The following SMAP1 variants were observed in gnomAD, a reference collection of about 807,000 sequenced individuals.
SMAP1 encodes stromal membrane-associated protein 1.
Under a neutral mutation model 58.5 loss-of-function variants are expected in SMAP1, and 24 were observed. The observed-to-expected ratio is 0.41, with a 90% CI of 0.30 to 0.58. The LOEUF is 0.58. Among genes scored for constraint, SMAP1 ranks in the 20% least tolerant of loss-of-function variants. The pLI, the probability that SMAP1 is intolerant of heterozygous loss-of-function variation, is 0.29. For missense variants in SMAP1, 563 were observed against 566.3 expected, an observed-to-expected ratio of 0.99 and a Z score of 0.06; for synonymous variants, 216 against 196.6, an observed-to-expected ratio of 1.10 and a Z score of -0.82.
At chr6:70,835,275 A>C (rs13219912) in intron 6 of SMAP1, among the ~76,000 whole-genome samples, 1 of 148,482 alleles carries the variant, frequency 6.7e-6, no homozygotes, top group Non-Finnish European at 1.5e-5. Flanking sequence ...AAAAAAAAAG[A>C]ATTGACACCT....
chr6:70,734,124 G>GC (rs1302474614), intron 2 of SMAP1, among the ~76,000 whole-genome samples: 1 of 146,946 alleles, frequency 6.8e-6, no homozygotes, highest in Non-Finnish European at 1.5e-5. Flanking sequence ...GCTCTGTCTG[G>GC]CCCCCCTCCC....
chr6:70,825,463 A>G (rs1770075228), intron 6 of SMAP1, among the ~76,000 whole-genome samples: 1 of 152,332 alleles, frequency 6.6e-6, no homozygotes, highest in East Asian at 1.9e-4. Flanking sequence ...AATACTGTGT[A>G]AAAACAAGAA....
At chr6:70,820,566 T>C (rs1249920464) in intron 6 of SMAP1, among the ~76,000 whole-genome samples, 1 of 151,858 alleles carries the variant, frequency 6.6e-6, no homozygotes, top group Non-Finnish European at 1.5e-5. Context: ...ATTAGCTGGG[T>C]GTGGTAGCAG....
At chr6:70,738,325 A>G (rs1765690031) in intron 2 of SMAP1, among the ~76,000 whole-genome samples, 1 of 152,182 alleles carries the variant, frequency 6.6e-6, no homozygotes, top group African/African-American at 2.4e-5. Flanking sequence ...CAGAGGATAA[A>G]AAATGTTGGC....
At chr6:70,846,606 G>A (rs559417901) in intron 7 of SMAP1, among the ~76,000 whole-genome samples, 1 of 152,336 alleles carries the variant, frequency 6.6e-6, no homozygotes, top group Non-Finnish European at 1.5e-5. Context: ...CGCTGTGGGT[G>A]GTATGGCCTG....
chr6:70,693,298 CTTTT>C (rs55693339), intron 1 of SMAP1, among the ~76,000 whole-genome samples: 5,286 of 109,534 alleles, frequency 0.048, 134 homozygotes, highest in African/African-American at 0.079. Flanking sequence ...ATGTCATCTT[CTTTT>C]TTTTTTTTTT....
At chr6:70,786,351 G>C (rs1768027845) in intron 4 of SMAP1, among the ~76,000 whole-genome samples, 1 of 144,880 alleles carries the variant, frequency 6.9e-6, no homozygotes, top group Non-Finnish European at 1.5e-5. Flanking sequence ...ATATCATACT[G>C]AATGGGCAAA....
In SMAP1 at chr6:70,836,923, C is replaced by T; in HGVS notation, c.577-18C>T. On this transcript the variant is annotated intron_variant, in intron 6 of 10. Transcript: ENST00000370455. The stretch of plus-strand genomic sequence containing the variant: ...TTTACTTAAGAAAAATTAATAAATC[C>T]AATTATTTACTTTAAAGCTGCAGAA... 1 of 1,522,492 alleles carries T rather than the reference C, an allele frequency of 6.6e-7. No homozygotes were observed. The highest frequency in any genetic ancestry group is 2.5e-5 in the East Asian group (1 of 40,608). The allele number at this position is 1,522,492 out of a possible 1,614,324, so 94.3% of individuals were successfully genotyped here.
intron 5 of SMAP1, among the ~76,000 whole-genome samples, chr6:70,795,641 CAT>C (rs1427666152): frequency 6.6e-6 from 1 of 152,144 alleles, no homozygotes; most frequent in Non-Finnish European, 1.5e-5. Flanking sequence ...TAGGTTTTAA[CAT>C]GTGAATTTTG....
chr6:70,802,735 A>G (rs1768919089), intron 6 of SMAP1, among the ~76,000 whole-genome samples: 1 of 152,250 alleles, frequency 6.6e-6, no homozygotes, highest in African/African-American at 2.4e-5. Context: ...AATTTTGTTG[A>G]AGGCCTTTTC....
At chr6:70,796,706 G>A (rs553420060) in intron 5 of SMAP1, among the ~76,000 whole-genome samples, 1 of 152,134 alleles carries the variant, frequency 6.6e-6, no homozygotes, top group South Asian at 2.1e-4. Context: ...ATGGTCTTCT[G>A]TCTGTGCTAG....
chr6:70,670,313 ATAAT>A (rs1201035961), intron 1 of SMAP1, among the ~76,000 whole-genome samples: 1 of 152,210 alleles, frequency 6.6e-6, no homozygotes, highest in Non-Finnish European at 1.5e-5. Context: ...GATCTTGTAA[ATAAT>A]TTCATTGTTT....
intron 1 of SMAP1, among the ~76,000 whole-genome samples, chr6:70,728,000 T>G (rs1204310604): frequency 2.6e-5 from 4 of 151,726 alleles, no homozygotes; most frequent in African/African-American, 9.7e-5. Flanking sequence ...GAGGCAGAGA[T>G]TTCAGTGAGC....
chr6:70,677,366 A>T (rs1393095957), intron 1 of SMAP1, among the ~76,000 whole-genome samples: 1 of 122,396 alleles, frequency 8.2e-6, no homozygotes, highest in African/African-American at 3.1e-5. Flanking sequence ...TTTAATCCTT[A>T]TTGCAAAGAT....
intron 2 of SMAP1, among the ~76,000 whole-genome samples, chr6:70,735,436 A>G (rs1470282532): frequency 6.6e-6 from 1 of 152,258 alleles, no homozygotes; most frequent in Non-Finnish European, 1.5e-5. Flanking sequence ...ACAATGTGAT[A>G]TAATGTTCCA....
At chr6:70,859,373 A>C in intron 10 of SMAP1, 1 of 1,549,538 alleles carries the variant, frequency 6.5e-7, no homozygotes. Flanking sequence ...CCATCAGTGC[A>C]ATCTACTGGC....
chr6:70,729,075 A>AT (rs955758088), intron 1 of SMAP1, among the ~76,000 whole-genome samples: 2 of 150,764 alleles, frequency 1.3e-5, no homozygotes, highest in East Asian at 2.0e-4. Flanking sequence ...ACTGCCTTTC[A>AT]TTTTCTCCCT....
Position 70,847,065 on chromosome 6 carries a change from C to T in SMAP1, c.665-5475C>T, listed in dbSNP as rs1771021145. Among the ~76,000 whole-genome samples the T allele has an allele frequency of 1.3e-5, 2 of 152,122 alleles. 1 individual carries two copies. Among genetic ancestry groups the T allele is most frequent in the South Asian group, 4.1e-4 (2 of 4,828 alleles). On this transcript the variant is annotated intron_variant, in intron 7 of 10. Coordinates refer to ENST00000370455, the MANE Select transcript of SMAP1 (RefSeq NM_001044305.3). ...GTTTTAGTTTATAAATTTAAAGGCA[C>T]TTGGAATGCACCAAGGGGAAGACAA...
At chr6:70,757,576 A>T (rs989491732) in intron 3 of SMAP1, among the ~76,000 whole-genome samples, 1 of 151,734 alleles carries the variant, frequency 6.6e-6, no homozygotes, top group Non-Finnish European at 1.5e-5. Context: ...ATCAGAGTGA[A>T]CAGGCAACCT....
Sources: allele counts gnomAD v4.1 joint callset (sites outside exome capture counted in the v4.1 genomes callset), GRCh38; gene constraint gnomAD v4.1.1; transcripts MANE v1.5; gene names NCBI Gene and HGNC (gene_info 2026-07-23, HGNC 2026-07-21).